The following PPFIBP1 variants were observed in gnomAD, a reference collection of about 807,000 sequenced individuals.
PPFIBP1 encodes liprin-beta-1.
A neutral mutation model predicts 137.8 loss-of-function variants in PPFIBP1; 112 were observed. That is an observed-to-expected ratio of 0.81 (90% CI 0.70 to 0.95). The LOEUF is 0.95. Ranked by LOEUF, PPFIBP1 falls within the 40% of genes least tolerant of loss-of-function variation. The pLI, the probability that PPFIBP1 is intolerant of heterozygous loss-of-function variation, is 0.00. For missense variants in PPFIBP1, 1,083 were observed against 1,196.6 expected (o/e 0.91, Z 1.40); for synonymous variants, 378 against 417.3 (o/e 0.91, Z 1.15).
At chr12:27,571,381 C>A (rs1438376673) in intron 1 of PPFIBP1, among the ~76,000 whole-genome samples, 2 of 152,100 alleles carry the variant, frequency 1.3e-5, no homozygotes, top group Non-Finnish European at 2.9e-5. Context: ...TGAGCATTGT[C>A]AATTGCCAAT....
chr12:27,654,884 A>C, intron 8 of PPFIBP1, 70 bp downstream of exon 8: 1 of 1,504,818 alleles, frequency 6.6e-7, no homozygotes, highest in South Asian at 1.4e-5. Flanking sequence ...CAATAATATA[A>C]ATAAGATGTT....
At chr12:27,667,731 A>G (rs1252413948) in intron 13 of PPFIBP1, among the ~76,000 whole-genome samples, 1 of 152,112 alleles carries the variant, frequency 6.6e-6, no homozygotes, top group South Asian at 2.1e-4. Flanking sequence ...CATCAGCTGG[A>G]GTGGCGTGAA....
chr12:27,597,434 G>A (rs2137575318), intron 2 of PPFIBP1, among the ~76,000 whole-genome samples: 1 of 152,192 alleles, frequency 6.6e-6, no homozygotes, highest in African/African-American at 2.4e-5. Context: ...GATTACAGGC[G>A]TGAGCCACCG....
At chr12:27,544,984 C>T (rs1255430130) in intron 1 of PPFIBP1, among the ~76,000 whole-genome samples, 1 of 152,156 alleles carries the variant, frequency 6.6e-6, no homozygotes, top group Non-Finnish European at 1.5e-5. Context: ...GGAACCAACC[C>T]AAATGCCCAT....
chr12:27,599,301 C>T, intron 2 of PPFIBP1: 1 of 301,458 alleles, frequency 3.3e-6, no homozygotes, highest in Admixed American at 3.9e-5. Context: ...TAAAACAAAA[C>T]ACTGAGTAAA....
intron 2 of PPFIBP1, among the ~76,000 whole-genome samples, chr12:27,626,136 A>AGGGTTT (rs2056799132): frequency 6.6e-6 from 1 of 152,124 alleles, no homozygotes; most frequent in African/African-American, 2.4e-5. Flanking sequence ...GGTGGTGAGA[A>AGGGTTT]GGGCTAATAG....
chr12:27,587,498 C>T (rs890711997), intron 2 of PPFIBP1, among the ~76,000 whole-genome samples: 1 of 151,482 alleles, frequency 6.6e-6, no homozygotes, highest in Non-Finnish European at 1.5e-5. Context: ...TGGCGGGCGC[C>T]TGTAGTCCCA....
intron 1 of PPFIBP1, among the ~76,000 whole-genome samples, chr12:27,533,854 A>T (rs1277124345): frequency 6.6e-6 from 1 of 152,310 alleles, no homozygotes; most frequent in Middle Eastern, 3.4e-3. Flanking sequence ...ATCTGCAGAG[A>T]AGTGGAGGAT....
At position 27,680,024 on chromosome 12, in the gene PPFIBP1, C is replaced by T. The variant is rs926183414; in HGVS notation, c.1858C>T (p.Arg620Ter). ...RGGTRATAGP[R>*]LGWSRDLGQS... Reference sequence around the variant, plus strand: ...AGGGACAAGGGCAACCGCGGGGCCCCGATTAGGTTGGTCTCGAGACTTGGG... The same window carrying T: ...AGGGACAAGGGCAACCGCGGGGCCCTGATTAGGTTGGTCTCGAGACTTGGG... The change falls in exon 21 of 30, where the codon CGA becomes TGA. Residue 620 changes from arginine to a stop codon, truncating the protein, a stop_gained. Transcript: ENST00000228425. LOFTEE classifies it high-confidence loss of function. 6.2e-6 allele frequency: 10 copies of T among 1,613,946 alleles called. No individual in the cohort carries two copies. Among genetic ancestry groups the T allele is most frequent in the East Asian group, 2.2e-5 (1 of 44,898 alleles).
At chr12:27,670,997 A>C (rs1278094313) in intron 13 of PPFIBP1, among the ~76,000 whole-genome samples, 1 of 151,882 alleles carries the variant, frequency 6.6e-6, no homozygotes, top group Non-Finnish European at 1.5e-5. Context: ...TCCAGGGCTT[A>C]AGGTTGTTAG....
intron 1 of PPFIBP1, among the ~76,000 whole-genome samples, chr12:27,570,785 C>G (rs903944649): frequency 6.6e-6 from 1 of 151,876 alleles, no homozygotes; most frequent in Non-Finnish European, 1.5e-5. Flanking sequence ...TGGTGGCGGG[C>G]GCCTGTAGTC....
At chr12:27,631,743 C>T (rs752599259) in intron 2 of PPFIBP1, among the ~76,000 whole-genome samples, 7 of 152,064 alleles carry the variant, frequency 4.6e-5, no homozygotes, top group African/African-American at 1.2e-4. Context: ...TTGTACCTAT[C>T]GGACTTGAAC....
At chr12:27,646,714 A>T (rs1361681715) in intron 5 of PPFIBP1, among the ~76,000 whole-genome samples, 1 of 152,180 alleles carries the variant, frequency 6.6e-6, no homozygotes, top group African/African-American at 2.4e-5. Flanking sequence ...CAAAACAGTG[A>T]CTAGAACCCT....
intron 2 of PPFIBP1, among the ~76,000 whole-genome samples, chr12:27,579,719 T>C (rs1185732118): frequency 6.6e-6 from 1 of 152,204 alleles, no homozygotes; most frequent in Non-Finnish European, 1.5e-5. Flanking sequence ...TGCATATCTT[T>C]TGGTGATGAT....
chr12:27,630,798 T>G (rs2057208617), intron 2 of PPFIBP1, among the ~76,000 whole-genome samples: 1 of 152,210 alleles, frequency 6.6e-6, no homozygotes, highest in African/African-American at 2.4e-5. Context: ...TCTGCTGTTA[T>G]ATACCACTTT....
At chr12:27,668,434 A>G (rs957201206) in intron 13 of PPFIBP1, among the ~76,000 whole-genome samples, 12 of 152,172 alleles carry the variant, frequency 7.9e-5, no homozygotes, top group African/African-American at 2.9e-4. Context: ...GTCCATAGCA[A>G]TTCCAAAATC....
intron 1 of PPFIBP1, among the ~76,000 whole-genome samples, chr12:27,575,446 T>C (rs933695072): frequency 2.0e-4 from 30 of 152,250 alleles, no homozygotes; most frequent in African/African-American, 7.0e-4. Flanking sequence ...ATGATGGTCA[T>C]ACTTTAGGAT....
intron 4 of PPFIBP1, chr12:27,635,367 G>A (rs1348959669): frequency 3.4e-6 from 2 of 591,018 alleles, no homozygotes; most frequent in Non-Finnish European, 6.0e-6. Context: ...CTTTTAGATT[G>A]TGCCTGAATG....
At chr12:27,617,131 T>A (rs1416224394) in intron 2 of PPFIBP1, among the ~76,000 whole-genome samples, 2 of 152,182 alleles carry the variant, frequency 1.3e-5, no homozygotes, top group Admixed American at 6.5e-5. Context: ...CATCCTTATA[T>A]GAAGATAATT....
Sources: gnomAD v4.1 joint callset for allele counts (sites outside exome capture counted in the v4.1 genomes callset) on GRCh38, gnomAD v4.1.1 for gene constraint, MANE v1.5 for transcripts, NCBI Gene and HGNC (gene_info 2026-07-23, HGNC 2026-07-21) for gene names.